The following HARS1 variants were observed in gnomAD, a reference collection of about 807,000 sequenced individuals.
The protein encoded by HARS1 is histidine--tRNA ligase, cytoplasmic.
HARS1 carries 45 observed loss-of-function variants against 63.6 expected under a neutral mutation model. That is an observed-to-expected ratio of 0.71 (90% CI 0.56 to 0.91). HARS1 has a LOEUF of 0.91. Ranked by LOEUF, HARS1 falls within the 40% of genes least tolerant of loss-of-function variation. The probability of loss-of-function intolerance (pLI) is 0.00; values close to 1 mark genes in which losing one functional copy is unlikely to be tolerated. For synonymous variants in HARS1, 205 were observed against 247.1 expected (o/e 0.83, Z 1.60); for missense variants, 508 against 643.2 (o/e 0.79, Z 2.27).
chr5:140,683,024 C>G, intron 3 of HARS1, 76 bp downstream of exon 3: 1 of 1,437,310 alleles, frequency 7.0e-7, no homozygotes, highest in Non-Finnish European at 9.7e-7. Context: ...TGGACCCTCA[C>G]TCTCTTGTTG....
In HARS1 at chr5:140,674,708, T is replaced by G; in HGVS notation, c.1429A>C (p.Lys477Gln). The change falls in exon 12 of 13, where the codon AAG becomes CAG. Residue 477 changes from lysine (K) to glutamine (Q), a missense_variant. Physicochemically the swap from Lys to Gln is moderately conservative, Grantham distance 53. Transcript: ENST00000504156. ...GEQELKDGVIKLRSVTSREEV... is the reference protein window; with the variant it reads ...GEQELKDGVIQLRSVTSREEV... ...TCCCTGCTCGTCACTGAACGGAGCT[T>G]GATGACCCCATCCTTGAGTTCCTGC... The G allele has an allele frequency of 6.2e-7, 1 of 1,614,236 alleles. No individual in the cohort carries two copies. The highest frequency in any genetic ancestry group is 8.5e-7 in the Non-Finnish European group (1 of 1,180,040).
chr5:140,679,668 A>T lies in HARS1; in HGVS notation c.396+120T>A. On this transcript the variant is annotated intron_variant, in intron 4 of 12. Transcript: ENST00000504156. The surrounding 1 kb of genome is among the most constrained non-coding windows in gnomAD (Gnocchi z 4.3). Reference sequence around the variant, plus strand: ...AAAGTTCCACTCCTGGTTTAGAGAAATAATTCCCCTAATCGCCAAAGGCCT... The same window carrying T: ...AAAGTTCCACTCCTGGTTTAGAGAATTAATTCCCCTAATCGCCAAAGGCCT... 1.8e-6 allele frequency: 1 copy of T among 563,798 alleles called. No individual in the cohort carries two copies. Among genetic ancestry groups the T allele is most frequent in the South Asian group, 2.6e-5 (1 of 39,134 alleles). 34.9% of individuals were successfully genotyped at this position (563,798 alleles called of 1,614,324 possible).
intron 3 of HARS1, among the ~76,000 whole-genome samples, chr5:140,681,672 A>T (rs1032005406): frequency 1.3e-5 from 2 of 149,260 alleles, no homozygotes; most frequent in Admixed American, 6.7e-5. Flanking sequence ...TGTCTCAATT[A>T]AAAAAAAAAC....
Position 140,686,400 on chromosome 5 carries a change from T to C in HARS1, c.181-3181A>G, listed in dbSNP as rs535665414. On this transcript the variant is annotated intron_variant, in intron 2 of 12. Coordinates refer to ENST00000504156, the MANE Select transcript of HARS1 (RefSeq NM_002109.6). ...GATTACAGACGTGAGCTACCATACC[T>C]GGCTAAATTTTTATTTTTAGTAGAG... 7.2e-5 allele frequency among the ~76,000 whole-genome samples: 11 copies of C among 152,150 alleles called. 1 individual carries two copies. In the South Asian group the frequency reaches 2.1e-3, roughly 29 times the overall value.
chr5:140,674,532 AGACCACAGTAACAG>A, intron 12 of HARS1, 133 bp downstream of exon 12: 1 of 937,790 alleles, frequency 1.1e-6, no homozygotes. Context: ...CACCCTACTA[AGACCACAGTAACAG>A]GTTAAGCCCT....
intron 2 of HARS1, chr5:140,684,939 T>G (rs1330846440): frequency 6.6e-6 from 1 of 152,226 alleles, no homozygotes; most frequent in Non-Finnish European, 1.5e-5. Context: ...TCTGACTGAA[T>G]AGAAGACAGC....
intron 2 of HARS1, chr5:140,684,437 A>G (rs1245028149): frequency 1.0e-6 from 1 of 979,110 alleles, no homozygotes; most frequent in Non-Finnish European, 1.2e-6. Context: ...TTCTCTCCCA[A>G]TATAACTTTT....
chr5:140,684,454 A>T, intron 2 of HARS1: 1 of 965,004 alleles, frequency 1.0e-6, no homozygotes, highest in Non-Finnish European at 1.2e-6. Flanking sequence ...TTTTCTTTTA[A>T]ATCTTAGTTA....
chr5:140,687,192 A>C (rs1251661191), intron 2 of HARS1, among the ~76,000 whole-genome samples: 1 of 152,146 alleles, frequency 6.6e-6, no homozygotes, highest in Non-Finnish European at 1.5e-5. Context: ...GTCATAGCAA[A>C]TATTTAAAAA....
chr5:140,677,619 G>A (rs1281879043), intron 7 of HARS1, 36 bp downstream of exon 7: 2 of 1,381,794 alleles, frequency 1.4e-6, no homozygotes, highest in East Asian at 2.3e-5. Flanking sequence ...GGCAGGGTGG[G>A]ATCTGGGAAA....
intron 10 of HARS1, chr5:140,675,402 T>G: frequency 3.1e-6 from 1 of 325,538 alleles, no homozygotes; most frequent in Non-Finnish European, 5.7e-6. Flanking sequence ...TATCTCCATG[T>G]AGTACCTTTT....
In HARS1 at chr5:140,676,608, GC is replaced by G. The variant is rs1464866608; in HGVS notation, c.1194+45del. Reference sequence around the variant, plus strand: ...CCCTTGGAGATCAGATAGCTTAGGTGCCACCACCTGCTCAGACTATCTTCTA... The same window carrying G: ...CCCTTGGAGATCAGATAGCTTAGGTGCACCACCTGCTCAGACTATCTTCTA... On this transcript the variant is annotated intron_variant, in intron 10 of 12. Coordinates refer to ENST00000504156, the MANE Select transcript of HARS1 (RefSeq NM_002109.6). The surrounding 1 kb of genome is among the most constrained non-coding windows in gnomAD (Gnocchi z 4.1). 6.3e-7 allele frequency: 1 copy of G among 1,589,198 alleles called. No individual in the cohort carries two copies. The highest frequency in any genetic ancestry group is 2.2e-5 in the East Asian group (1 of 44,466).
chr5:140,674,542 A>G, intron 12 of HARS1, 137 bp downstream of exon 12: 2 of 995,066 alleles, frequency 2.0e-6, no homozygotes, highest in Non-Finnish European at 3.1e-6. Flanking sequence ...AGACCACAGT[A>G]ACAGGTTAAG....
At chr5:140,680,545 A>T (rs903676745) in intron 3 of HARS1, among the ~76,000 whole-genome samples, 2 of 151,922 alleles carry the variant, frequency 1.3e-5, no homozygotes, top group African/African-American at 2.4e-5. Context: ...ATTCTAATTT[A>T]AAAAAAAATT....
intron 3 of HARS1, chr5:140,682,659 G>A (rs573588605): frequency 1.3e-3 from 198 of 155,028 alleles, no homozygotes; most frequent in Admixed American, 3.4e-3. Flanking sequence ...CTCGGATCCA[G>A]TGATCTTTCT....
rs778084959 is a variant in HARS1, at chr5:140,691,196, C to T, written c.90+19G>A. The T allele has an allele frequency of 6.4e-7, 1 of 1,570,960 alleles. No individual in the cohort carries two copies. Among genetic ancestry groups the T allele is most frequent in the East Asian group, 2.2e-5 (1 of 44,622 alleles). On this transcript the variant is annotated intron_variant, in intron 1 of 12. Coordinates refer to ENST00000504156, the MANE Select transcript of HARS1 (RefSeq NM_002109.6). ...CCCAGGCTTTGCCTTGGCCCTCTCC[C>T]CTGCTGCCTAAATCTCACCAGCTCG...
chr5:140,681,583 C>A (rs1287432883), intron 3 of HARS1, among the ~76,000 whole-genome samples: 1 of 152,042 alleles, frequency 6.6e-6, no homozygotes, highest in Non-Finnish European at 1.5e-5. Flanking sequence ...GCAGGAGAAT[C>A]GCTTGAACCT....
intron 10 of HARS1, 63 bp from the exon 11 acceptor site, chr5:140,675,196 T>G: frequency 1.8e-6 from 2 of 1,084,742 alleles, no homozygotes; most frequent in South Asian, 2.5e-5. Context: ...CAAAGCAGGC[T>G]CTAGTCGGGA....
At chr5:140,686,835 C>T (rs6873628) in intron 2 of HARS1, among the ~76,000 whole-genome samples, 2,533 of 152,166 alleles carry the variant, frequency 0.017, 68 homozygotes, top group African/African-American at 0.058. Flanking sequence ...TCAGGTGATC[C>T]GCCCGCCTTG....
Sources: allele counts gnomAD v4.1 joint callset (sites outside exome capture counted in the v4.1 genomes callset), GRCh38; gene constraint gnomAD v4.1.1; non-coding constraint Gnocchi (gnomAD v3.1); transcripts MANE v1.5; gene names NCBI Gene and HGNC (gene_info 2026-07-23, HGNC 2026-07-21).